Variants in ARHGAP25 observed in about 807,000 individuals in gnomAD.
ARHGAP25 encodes the protein rho GTPase-activating protein 25.
ARHGAP25 carries 34 observed loss-of-function variants against 71.0 expected under a neutral mutation model. The ratio of observed to expected loss-of-function variants is 0.48; its 90% CI spans 0.36 to 0.64. The LOEUF (loss-of-function observed/expected upper bound fraction) is 0.64. Ranked by LOEUF, ARHGAP25 falls within the 30% of genes least tolerant of loss-of-function variation. ARHGAP25 has a pLI of 0.00. For missense variants in ARHGAP25, 706 were observed against 805.1 expected (o/e 0.88, Z 1.49); for synonymous variants, 282 against 296.5 (o/e 0.95, Z 0.50).
At position 68,736,496 on chromosome 2, in the gene ARHGAP25, A is replaced by G. The variant is rs544360945; in HGVS notation, c.61+1236A>G. Among the ~76,000 whole-genome samples the G allele has an allele frequency of 5.9e-5, 9 of 152,356 alleles. No homozygotes were observed. In the South Asian group the frequency reaches 1.9e-3, roughly 32 times the overall value. ...GTTCCTTTGAAAGTGTCCTGCTTCTACATAAATAAGGTCATTCTGCCTTCT... is the reference window on the plus strand; with the variant it reads ...GTTCCTTTGAAAGTGTCCTGCTTCTGCATAAATAAGGTCATTCTGCCTTCT... On this transcript the variant is annotated intron_variant, in intron 1 of 10. Transcript: ENST00000409202.
intron 1 of ARHGAP25, among the ~76,000 whole-genome samples, chr2:68,754,585 T>C (rs1676370617): frequency 6.6e-6 from 1 of 152,248 alleles, no homozygotes; most frequent in African/African-American, 2.4e-5. Flanking sequence ...TTTATCTCTT[T>C]TGGGTAAATA....
chr2:68,723,345 G>A (rs1044274545), intron 2 of ARHGAP25, among the ~76,000 whole-genome samples: 1 of 152,148 alleles, frequency 6.6e-6, no homozygotes, highest in African/African-American at 2.4e-5. Flanking sequence ...TCTAGTTGTG[G>A]GCCATGCCAC....
chr2:68,729,523 C>T (rs553162615), intron 2 of ARHGAP25, among the ~76,000 whole-genome samples: 1 of 152,310 alleles, frequency 6.6e-6, no homozygotes, highest in African/African-American at 2.4e-5. Flanking sequence ...ACACATCCAA[C>T]CCTTACAAAT....
chr2:68,751,448 AG>A (rs1283127673), intron 1 of ARHGAP25, among the ~76,000 whole-genome samples: 2 of 152,240 alleles, frequency 1.3e-5, no homozygotes, highest in Non-Finnish European at 2.9e-5. Flanking sequence ...CACATTTTAG[AG>A]GACAGTTAAG....
chr2:68,759,550 A>G (rs1374631705), intron 1 of ARHGAP25, among the ~76,000 whole-genome samples: 2 of 151,978 alleles, frequency 1.3e-5, no homozygotes, highest in East Asian at 3.8e-4. Flanking sequence ...TTAGTTTAGA[A>G]AAGAATAAAA....
intron 2 of ARHGAP25, among the ~76,000 whole-genome samples, chr2:68,711,009 C>G (rs558730137): frequency 2.1e-4 from 32 of 152,274 alleles, no homozygotes; most frequent in African/African-American, 7.7e-4. Flanking sequence ...TCTAGGTCAT[C>G]CTATGTCAAA....
chr2:68,784,070 G>A (rs895437037), intron 3 of ARHGAP25, among the ~76,000 whole-genome samples: 50 of 152,140 alleles, frequency 3.3e-4, no homozygotes, highest in African/African-American at 1.2e-3. Flanking sequence ...GCAGGAGGAA[G>A]GTTTGTTCTC....
intron 10 of ARHGAP25, among the ~76,000 whole-genome samples, chr2:68,824,697 A>C (rs544405253): frequency 6.6e-6 from 1 of 152,054 alleles, no homozygotes; most frequent in Non-Finnish European, 1.5e-5. Flanking sequence ...AGCCGAGATC[A>C]TGCCACTGCA....
chr2:68,747,886 T>C (rs1675930870), intron 1 of ARHGAP25, among the ~76,000 whole-genome samples: 1 of 151,582 alleles, frequency 6.6e-6, no homozygotes, highest in African/African-American at 2.4e-5. Flanking sequence ...TTATCTCCAA[T>C]GCTGTAAACA....
intron 2 of ARHGAP25, among the ~76,000 whole-genome samples, chr2:68,713,263 G>A (rs779430691): frequency 1.6e-4 from 25 of 151,948 alleles, no homozygotes; most frequent in Non-Finnish European, 3.1e-4. Context: ...TTTATTCTCT[G>A]CAGCAATTGT....
intron 2 of ARHGAP25, among the ~76,000 whole-genome samples, chr2:68,722,978 G>C (rs1674798921): frequency 6.6e-6 from 1 of 152,208 alleles, no homozygotes; most frequent in Non-Finnish European, 1.5e-5. Flanking sequence ...CTCCAGCAGA[G>C]GGCTCCCATC....
chr2:68,818,889 T>C (rs1029493325), intron 8 of ARHGAP25, among the ~76,000 whole-genome samples: 4 of 152,222 alleles, frequency 2.6e-5, no homozygotes, highest in African/African-American at 9.7e-5. Context: ...GACTATTGGC[T>C]CCCTCTGAAA....
chr2:68,754,767 T>G (rs988501802), intron 1 of ARHGAP25, among the ~76,000 whole-genome samples: 1 of 152,222 alleles, frequency 6.6e-6, no homozygotes, highest in Non-Finnish European at 1.5e-5. Context: ...TTTTTAAAAA[T>G]TTATGTTAGT....
intron 5 of ARHGAP25, among the ~76,000 whole-genome samples, chr2:68,812,235 T>C (rs1277874415): frequency 1.5e-5 from 2 of 137,330 alleles, no homozygotes; most frequent in African/African-American, 5.6e-5. Context: ...TTTCCTGTAA[T>C]TTTTACATCA....
chr2:68,812,401 C>A (rs992410788), intron 5 of ARHGAP25, among the ~76,000 whole-genome samples: 30 of 152,344 alleles, frequency 2.0e-4, no homozygotes, highest in East Asian at 1.7e-3. Flanking sequence ...AGAAGCTGAA[C>A]TGAACAGCCG....
At chr2:68,738,526 C>T (rs1013864404) in intron 1 of ARHGAP25, among the ~76,000 whole-genome samples, 1 of 152,086 alleles carries the variant, frequency 6.6e-6, no homozygotes, top group Non-Finnish European at 1.5e-5. Context: ...CCAGACCAGC[C>T]TGGGTTATGG....
intron 2 of ARHGAP25, among the ~76,000 whole-genome samples, chr2:68,720,823 G>A (rs917290537): frequency 6.6e-6 from 1 of 152,102 alleles, no homozygotes; most frequent in Non-Finnish European, 1.5e-5. Context: ...CACACGTACT[G>A]GGCCACTGGG....
chr2:68,746,867 G>T lies in ARHGAP25; in HGVS notation c.61+11607G>T, dbSNP rs149127065. 3.9e-3 allele frequency among the ~76,000 whole-genome samples: 595 copies of T among 152,106 alleles called. 2 individuals carry two copies. Among genetic ancestry groups the T allele is most frequent in the Non-Finnish European group, 6.5e-3 (443 of 67,978 alleles). On this transcript the variant is annotated intron_variant, in intron 1 of 10. Coordinates refer to ENST00000409202, the MANE Select transcript of ARHGAP25 (RefSeq NM_001007231.3). ...ACTAAAAATACAAAAAATTAGCTGG[G>T]TGTAGTGACGCACGCCTGTAATCCC...
At chr2:68,813,549 G>T (rs1020342150) in intron 6 of ARHGAP25, 130 bp downstream of exon 6, 21 of 998,436 alleles carry the variant, frequency 2.1e-5, no homozygotes, top group Non-Finnish European at 2.8e-5. Context: ...AACTTCCTCA[G>T]CAACAAAAGG....
Sources: allele counts gnomAD v4.1 joint callset (sites outside exome capture counted in the v4.1 genomes callset), GRCh38; gene constraint gnomAD v4.1.1; transcripts MANE v1.5; gene names NCBI Gene and HGNC (gene_info 2026-07-23, HGNC 2026-07-21).